Variants in CPQ observed in about 807,000 individuals in gnomAD.
CPQ encodes Ser-Met dipeptidase.
A neutral mutation model predicts 45.7 loss-of-function variants in CPQ; 37 were observed. That is an observed-to-expected ratio of 0.81 (90% confidence interval 0.62 to 1.07). The LOEUF (loss-of-function observed/expected upper bound fraction) is 1.07. CPQ is among the 50% of genes least tolerant of loss of function. CPQ has a pLI of 0.00. For synonymous variants in CPQ, 186 were observed against 205.8 expected, an observed-to-expected ratio of 0.90 and a Z score of 0.82; for missense variants, 537 against 572.9, an observed-to-expected ratio of 0.94 and a Z score of 0.64.
chr8:97,030,284 G>A (rs560376862), intron 6 of CPQ, among the ~76,000 whole-genome samples: 31 of 152,318 alleles, frequency 2.0e-4, no homozygotes, highest in African/African-American at 7.2e-4. Flanking sequence ...TGAATGTCCA[G>A]ATGAGAAGAA....
chr8:96,699,896 T>C (rs532345949), intron 1 of CPQ, among the ~76,000 whole-genome samples: 1 of 152,294 alleles, frequency 6.6e-6, no homozygotes, highest in South Asian at 2.1e-4. Flanking sequence ...AAAGAAGATG[T>C]GGGGTAGAGA....
intron 1 of CPQ, among the ~76,000 whole-genome samples, chr8:96,760,322 G>A (rs571186538): frequency 6.6e-6 from 1 of 152,316 alleles, no homozygotes; most frequent in East Asian, 1.9e-4. Flanking sequence ...CAGGAACCTT[G>A]TAAGTCTGGT....
At chr8:97,050,151 A>G (rs1810335023) in intron 6 of CPQ, among the ~76,000 whole-genome samples, 1 of 152,136 alleles carries the variant, frequency 6.6e-6, no homozygotes, top group Admixed American at 6.5e-5. Flanking sequence ...TATTCTGAAG[A>G]TTTGGCGATT....
intron 1 of CPQ, among the ~76,000 whole-genome samples, chr8:96,688,067 C>A (rs1809256480): frequency 6.6e-6 from 1 of 151,868 alleles, no homozygotes; most frequent in African/African-American, 2.4e-5. Flanking sequence ...ATTTTATTTT[C>A]TAATTTAAGA....
chr8:96,871,160 A>G (rs536153800), intron 3 of CPQ, among the ~76,000 whole-genome samples: 1 of 152,166 alleles, frequency 6.6e-6, no homozygotes, highest in East Asian at 1.9e-4. Flanking sequence ...TGTGTGAGAC[A>G]AATATCTCAT....
chr8:96,726,642 C>T (rs773384884), intron 1 of CPQ, among the ~76,000 whole-genome samples: 14 of 152,124 alleles, frequency 9.2e-5, no homozygotes, highest in Non-Finnish European at 2.1e-4. Flanking sequence ...TAGTGCTAAA[C>T]CATTCACGAG....
chr8:96,920,058 A>G (rs1160020646), intron 4 of CPQ, among the ~76,000 whole-genome samples: 4 of 152,230 alleles, frequency 2.6e-5, no homozygotes, highest in African/African-American at 9.6e-5. Flanking sequence ...TATGTAAAAC[A>G]GCATAATGCC....
chr8:96,683,600 T>C (rs1271331342), intron 1 of CPQ, among the ~76,000 whole-genome samples: 1 of 152,176 alleles, frequency 6.6e-6, no homozygotes, highest in Non-Finnish European at 1.5e-5. Context: ...AGTATTATTC[T>C]GTTAAACAGG....
intron 1 of CPQ, among the ~76,000 whole-genome samples, chr8:96,721,768 C>T (rs543054915): frequency 6.6e-6 from 1 of 152,286 alleles, no homozygotes; most frequent in African/African-American, 2.4e-5. Flanking sequence ...TTCCAGCTCT[C>T]TCTCCAGCCT....
chr8:96,666,413 T>C (rs1252021551), intron 1 of CPQ, among the ~76,000 whole-genome samples: 1 of 152,208 alleles, frequency 6.6e-6, no homozygotes, highest in Non-Finnish European at 1.5e-5. Flanking sequence ...ATATAGTTAA[T>C]ACATTGTATA....
intron 6 of CPQ, among the ~76,000 whole-genome samples, chr8:97,037,233 C>T (rs947601326): frequency 6.6e-6 from 1 of 152,182 alleles, no homozygotes. Flanking sequence ...GAGACTTCTT[C>T]GTGCTATCTG....
chr8:97,109,570 G>A (rs188334048), intron 7 of CPQ, among the ~76,000 whole-genome samples: 43 of 152,140 alleles, frequency 2.8e-4, no homozygotes, highest in Non-Finnish European at 5.4e-4. Flanking sequence ...ACCTTGCTCT[G>A]TGAACGATCT....
intron 2 of CPQ, among the ~76,000 whole-genome samples, chr8:96,821,429 A>G (rs1002165921): frequency 2.6e-5 from 4 of 151,804 alleles, no homozygotes; most frequent in Admixed American, 6.6e-5. Context: ...TAGGACTTCT[A>G]TTGAAATATT....
chr8:96,866,464 T>C (rs1227304153), intron 3 of CPQ, among the ~76,000 whole-genome samples: 1 of 152,092 alleles, frequency 6.6e-6, no homozygotes, highest in Non-Finnish European at 1.5e-5. Flanking sequence ...AAATTATGTC[T>C]ATTTTGCTAT....
At chr8:97,023,805 A>G (rs1473031530) in intron 5 of CPQ, among the ~76,000 whole-genome samples, 1 of 152,138 alleles carries the variant, frequency 6.6e-6, no homozygotes. Flanking sequence ...GATCCCTCCC[A>G]CTGCCCCTGA....
At chr8:96,846,845 C>T (rs1811698792) in intron 3 of CPQ, among the ~76,000 whole-genome samples, 1 of 152,134 alleles carries the variant, frequency 6.6e-6, no homozygotes, top group Non-Finnish European at 1.5e-5. Context: ...CAATCAAGGA[C>T]ATACATTACA....
chr8:96,710,703 G>T (rs1809596102), intron 1 of CPQ, among the ~76,000 whole-genome samples: 1 of 152,140 alleles, frequency 6.6e-6, no homozygotes, highest in South Asian at 2.1e-4. Context: ...ATTGTGGTCT[G>T]AGAAGATACT....
intron 7 of CPQ, among the ~76,000 whole-genome samples, chr8:97,115,768 T>C (rs1046787092): frequency 2.6e-5 from 4 of 152,248 alleles, no homozygotes; most frequent in African/African-American, 9.6e-5. Context: ...ATTGGCTTTC[T>C]GTTTCCCATC....
At chr8:96,918,241 A>G (rs1812757946) in intron 4 of CPQ, among the ~76,000 whole-genome samples, 1 of 152,112 alleles carries the variant, frequency 6.6e-6, no homozygotes, top group Non-Finnish European at 1.5e-5. Context: ...AATCTAAATA[A>G]TGTACTTTAC....
Sources: gnomAD v4.1 joint callset for allele counts (sites outside exome capture counted in the v4.1 genomes callset) on GRCh38, gnomAD v4.1.1 for gene constraint, MANE v1.5 for transcripts, NCBI Gene and HGNC (gene_info 2026-07-23, HGNC 2026-07-21) for gene names.